Variants in TMEM131L observed in about 807,000 individuals in gnomAD.
TMEM131L encodes the protein transmembrane 131 like, also known as transmembrane protein 131-like.
TMEM131L carries 54 observed loss-of-function variants against 192.2 expected under a neutral mutation model. The ratio of observed to expected loss-of-function variants is 0.28; its 90% CI spans 0.23 to 0.35. The LOEUF (loss-of-function observed/expected upper bound fraction) is 0.35. Among genes scored for constraint, TMEM131L ranks in the 10% least tolerant of loss-of-function variants. TMEM131L has a pLI of 1.00. For missense variants in TMEM131L, 1,888 were observed against 1,972.9 expected (o/e 0.96, Z 0.82); for synonymous variants, 701 against 704.9 (o/e 0.99, Z 0.09).
In TMEM131L at chr4:153,552,055, C is replaced by A. The variant is rs144423400; in HGVS notation, c.308+1914C>A. 4.7e-3 allele frequency among the ~76,000 whole-genome samples: 717 copies of A among 151,924 alleles called. 6 individuals are homozygous for A. The highest frequency in any genetic ancestry group is 0.016 in the African/African-American group (676 of 41,434). The stretch of plus-strand genomic sequence containing the variant: ...AAAACCCGTGACTCTAATAAAAATA[C>A]AAAAATTAGCCGGACATGGTGGTGA... On this transcript the variant is annotated intron_variant, in intron 4 of 34. Coordinates refer to ENST00000409959, the MANE Select transcript of TMEM131L (RefSeq NM_001131007.2).
chr4:153,515,130 C>T (rs572945766), intron 3 of TMEM131L, among the ~76,000 whole-genome samples: 1 of 152,328 alleles, frequency 6.6e-6, no homozygotes, highest in African/African-American at 2.4e-5. Context: ...CCTTTTAAAG[C>T]ATACAATTCA....
At chr4:153,506,836 CTG>C (rs1734020661) in intron 3 of TMEM131L, among the ~76,000 whole-genome samples, 1 of 126,596 alleles carries the variant, frequency 7.9e-6, no homozygotes, top group Admixed American at 9.0e-5. Context: ...GAGTGAGACT[CTG>C]TATCCAAAAA....
intron 3 of TMEM131L, among the ~76,000 whole-genome samples, chr4:153,496,924 G>T (rs191414167): frequency 6.6e-6 from 1 of 151,382 alleles, no homozygotes; most frequent in African/African-American, 2.4e-5. Flanking sequence ...ACAGTGGCAC[G>T]ATCATGGTTC....
intron 9 of TMEM131L, among the ~76,000 whole-genome samples, chr4:153,582,440 T>G (rs1467313309): frequency 6.6e-5 from 9 of 135,386 alleles, no homozygotes; most frequent in Non-Finnish European, 7.9e-5. Flanking sequence ...GTTGTTTTTT[T>G]TTTTTTTTTT....
chr4:153,596,231 G>T, intron 19 of TMEM131L, 27 bp from the exon 20 acceptor site: 1 of 1,612,048 alleles, frequency 6.2e-7, no homozygotes, highest in South Asian at 1.1e-5. Context: ...CTAGGAGTAT[G>T]ACATGGTTTA....
chr4:153,492,185 A>C (rs1732840035), intron 3 of TMEM131L, among the ~76,000 whole-genome samples: 1 of 149,444 alleles, frequency 6.7e-6, no homozygotes, highest in East Asian at 2.0e-4. Context: ...AAAAAAAAAA[A>C]GAAGGTTTTT....
At chr4:153,544,899 A>T (rs539050770) in intron 3 of TMEM131L, among the ~76,000 whole-genome samples, 2 of 152,276 alleles carry the variant, frequency 1.3e-5, no homozygotes, top group Non-Finnish European at 2.9e-5. Context: ...TAAATTGCCA[A>T]GAGCTTTGAG....
chr4:153,636,690 G>T lies in TMEM131L; in HGVS notation c.*114G>T. The T allele has an allele frequency of 9.5e-7, 1 of 1,055,676 alleles. No individual in the cohort carries two copies. The highest frequency in any genetic ancestry group is 1.3e-6 in the Non-Finnish European group (1 of 742,626). 65.4% of individuals were successfully genotyped at this position (1,055,676 alleles called of 1,614,324 possible). On this transcript the variant is annotated 3_prime_UTR_variant, in exon 35 of 35. Coordinates refer to ENST00000409959, the MANE Select transcript of TMEM131L (RefSeq NM_001131007.2). Reference sequence around the variant, plus strand: ...GGTGGATATTTTGGCACTTTTATATGAAAATAAATTTTTTAATGAAATCTG... The same window carrying T: ...GGTGGATATTTTGGCACTTTTATATTAAAATAAATTTTTTAATGAAATCTG...
intron 3 of TMEM131L, among the ~76,000 whole-genome samples, chr4:153,534,013 G>A (rs1044837400): frequency 3.3e-5 from 5 of 152,286 alleles, no homozygotes; most frequent in East Asian, 1.9e-4. Flanking sequence ...TTTGGGAAAC[G>A]TTTTTTATGA....
chr4:153,572,885 G>A (rs112180485), intron 7 of TMEM131L, among the ~76,000 whole-genome samples: 4,244 of 152,134 alleles, frequency 0.028, 204 homozygotes, highest in African/African-American at 0.097. Context: ...ATTCTCCCTG[G>A]CAACCACTAT....
chr4:153,602,823 ATAT>A (rs1731939987), intron 23 of TMEM131L, 96 bp downstream of exon 23: 6 of 1,061,450 alleles, frequency 5.7e-6, no homozygotes, highest in African/African-American at 1.6e-5. Flanking sequence ...TAGTCAAAGT[ATAT>A]GAATTGAGTG....
chr4:153,471,057 G>A (rs1166247303), intron 2 of TMEM131L, among the ~76,000 whole-genome samples: 4 of 150,622 alleles, frequency 2.7e-5, no homozygotes, highest in East Asian at 1.9e-4. Flanking sequence ...ATGTAATTTC[G>A]GCTCACTGCA....
At chr4:153,490,101 C>T (rs142610381) in intron 3 of TMEM131L, among the ~76,000 whole-genome samples, 3 of 152,140 alleles carry the variant, frequency 2.0e-5, no homozygotes, top group South Asian at 2.1e-4. Context: ...TTCCTGCGTC[C>T]GTGTATTTCA....
intron 17 of TMEM131L, among the ~76,000 whole-genome samples, chr4:153,591,767 A>G (rs1180377345): frequency 4.6e-5 from 7 of 152,186 alleles, no homozygotes; most frequent in Non-Finnish European, 1.0e-4. Flanking sequence ...TTTCTTAGGG[A>G]TGACATCCTT....
chr4:153,515,212 T>G (rs1734649143), intron 3 of TMEM131L, among the ~76,000 whole-genome samples: 1 of 152,214 alleles, frequency 6.6e-6, no homozygotes, highest in African/African-American at 2.4e-5. Flanking sequence ...ATCAACTTAT[T>G]AGAAAACACC....
intron 3 of TMEM131L, among the ~76,000 whole-genome samples, chr4:153,548,578 C>T (rs547536513): frequency 6.6e-5 from 10 of 152,330 alleles, no homozygotes; most frequent in Admixed American, 6.5e-4. Flanking sequence ...GCTGGGATTA[C>T]AGGCGTGAGC....
At chr4:153,515,213 AG>A (rs1734649543) in intron 3 of TMEM131L, among the ~76,000 whole-genome samples, 1 of 152,214 alleles carries the variant, frequency 6.6e-6, no homozygotes, top group South Asian at 2.1e-4. Flanking sequence ...TCAACTTATT[AG>A]AAAACACCAC....
Position 153,623,140 on chromosome 4 carries a change from C to T in TMEM131L, c.4045+57C>T, listed in dbSNP as rs972455145. The T allele has an allele frequency of 4.8e-5, 69 of 1,441,894 alleles. No individual in the cohort carries two copies. The African/African-American group carries it at 7.2e-4, about 15-fold the overall frequency. The allele number at this position is 1,441,894 out of a possible 1,614,324, so 89.3% of individuals were successfully genotyped here. On this transcript the variant is annotated intron_variant, in intron 29 of 34. Transcript: ENST00000409959. ...GGTGGCCCTTCCCTCTGCCCTCCCACGTACCCAGTCCACACAGTCTCGATC... is the reference window on the plus strand; with the variant it reads ...GGTGGCCCTTCCCTCTGCCCTCCCATGTACCCAGTCCACACAGTCTCGATC...
Position 153,555,924 on chromosome 4 carries a change from G to A in TMEM131L, c.432+14G>A, listed in dbSNP as rs1728403183. 2 of 1,550,888 alleles carry A rather than the reference G, an allele frequency of 1.3e-6. No homozygotes were observed. The highest frequency in any genetic ancestry group is 1.7e-6 in the Non-Finnish European group (2 of 1,146,530). On this transcript the variant is annotated intron_variant, in intron 5 of 34. Coordinates refer to ENST00000409959, the MANE Select transcript of TMEM131L (RefSeq NM_001131007.2). The surrounding 1 kb of genome is among the most constrained non-coding windows in gnomAD (Gnocchi z 4.1). ...GTTCCCTGCAGGGTGGGTGTTGATG[G>A]ACTCCTGGAAACTATGCCGTGGCAG...
Sources: gnomAD v4.1 joint callset for allele counts (sites outside exome capture counted in the v4.1 genomes callset) on GRCh38, gnomAD v4.1.1 for gene constraint, Gnocchi (gnomAD v3.1) non-coding constraint, MANE v1.5 for transcripts, NCBI Gene and HGNC (gene_info 2026-07-23, HGNC 2026-07-21) for gene names.